PHTF2: variants seen among roughly 807,000 people sequenced by gnomAD.
PHTF2 encodes the protein protein PHTF2.
In PHTF2, 60 loss-of-function variants were observed where a neutral mutation model predicts 101.2. The ratio of observed to expected loss-of-function variants is 0.59; its 90% CI spans 0.48 to 0.73. PHTF2 has a LOEUF of 0.73. Among genes scored for constraint, PHTF2 ranks in the 30% least tolerant of loss-of-function variants. PHTF2 has a pLI of 0.00. For missense variants in PHTF2, 747 were observed against 908.7 expected, an observed-to-expected ratio of 0.82 and a Z score of 2.29; for synonymous variants, 311 against 307.3, an observed-to-expected ratio of 1.01 and a Z score of -0.13.
intron 1 of PHTF2, among the ~76,000 whole-genome samples, chr7:77,828,030 C>T (rs1396464300): frequency 6.6e-6 from 1 of 152,124 alleles, no homozygotes; most frequent in African/African-American, 2.4e-5. Flanking sequence ...CTCTTTAAGC[C>T]GTTTAGTTAA....
intron 1 of PHTF2, among the ~76,000 whole-genome samples, chr7:77,804,604 G>A (rs866584494): frequency 2.8e-4 from 42 of 152,216 alleles, no homozygotes; most frequent in African/African-American, 1.0e-3. Context: ...GGGATTACAG[G>A]CGTGAGCCAC....
chr7:77,921,542 C>T (rs946202984), intron 10 of PHTF2, among the ~76,000 whole-genome samples: 1 of 152,164 alleles, frequency 6.6e-6, no homozygotes, highest in East Asian at 1.9e-4. Flanking sequence ...CTTGAACGTT[C>T]ATGTATTTTC....
At chr7:77,812,993 T>A (rs1793568614) in intron 1 of PHTF2, among the ~76,000 whole-genome samples, 1 of 152,212 alleles carries the variant, frequency 6.6e-6, no homozygotes, top group Non-Finnish European at 1.5e-5. Context: ...CTTTTTCTAA[T>A]GTAGTGGATA....
intron 7 of PHTF2, chr7:77,907,821 C>CA (rs1445450078): frequency 3.3e-5 from 5 of 152,042 alleles, no homozygotes; most frequent in Non-Finnish European, 7.4e-5. Flanking sequence ...ACAAAATGAC[C>CA]AAAAATCTTA....
At chr7:77,822,712 A>T (rs1433710238) in intron 1 of PHTF2, among the ~76,000 whole-genome samples, 2 of 152,052 alleles carry the variant, frequency 1.3e-5, no homozygotes, top group African/African-American at 2.4e-5. Context: ...AGGTACTTCC[A>T]TGCTGCCCTC....
intron 18 of PHTF2, among the ~76,000 whole-genome samples, chr7:77,951,971 A>C (rs921484486): frequency 1.3e-5 from 2 of 152,110 alleles, no homozygotes; most frequent in African/African-American, 4.8e-5. Context: ...ATCTTTGGAA[A>C]TGTATGCCTC....
intron 1 of PHTF2, among the ~76,000 whole-genome samples, chr7:77,821,707 C>T (rs986180481): frequency 2.0e-5 from 3 of 151,780 alleles, no homozygotes; most frequent in Non-Finnish European, 2.9e-5. Flanking sequence ...ATCTGTCTAC[C>T]GGGGGGGCCC....
At chr7:77,946,313 T>C (rs1230865540) in intron 16 of PHTF2, among the ~76,000 whole-genome samples, 1 of 152,234 alleles carries the variant, frequency 6.6e-6, no homozygotes, top group African/African-American at 2.4e-5. Context: ...TTTTAAAATT[T>C]GGAGCAAGCA....
At chr7:77,899,044 C>T (rs1221300974) in intron 5 of PHTF2, among the ~76,000 whole-genome samples, 4 of 152,074 alleles carry the variant, frequency 2.6e-5, no homozygotes, top group African/African-American at 7.2e-5. Flanking sequence ...TCAAGTGATC[C>T]GCCCACCTTG....
chr7:77,863,787 GT>G (rs368245678), intron 3 of PHTF2, among the ~76,000 whole-genome samples: 20,306 of 131,998 alleles, frequency 0.15, 1,606 homozygotes, highest in African/African-American at 0.29. Context: ...GTTTTGTTTT[GT>G]TTTTTTTTTT....
At chr7:77,839,892 TC>T (rs1795740420) in intron 1 of PHTF2, among the ~76,000 whole-genome samples, 1 of 152,200 alleles carries the variant, frequency 6.6e-6, no homozygotes, top group South Asian at 2.1e-4. Flanking sequence ...TGAATTGGTT[TC>T]TTGTATGTGG....
chr7:77,836,311 A>G (rs1795465632), intron 1 of PHTF2, among the ~76,000 whole-genome samples: 1 of 152,080 alleles, frequency 6.6e-6, no homozygotes, highest in Non-Finnish European at 1.5e-5. Context: ...AAGGGGAGGC[A>G]GGAGTATCAG....
At chr7:77,919,831 G>A in intron 9 of PHTF2, among the ~76,000 whole-genome samples, 1 of 151,960 alleles carries the variant, frequency 6.6e-6, no homozygotes, top group East Asian at 1.9e-4. Context: ...AAAGACCTGT[G>A]TCTTCACTGT....
chr7:77,956,109 A>G (rs1039867118), exon 20 of PHTF2: 1 of 152,586 alleles, frequency 6.6e-6, no homozygotes, highest in African/African-American at 2.4e-5. Flanking sequence ...TATTTGTACA[A>G]TCGAGTATTT....
chr7:77,890,024 C>A (rs898771406), intron 3 of PHTF2, among the ~76,000 whole-genome samples: 1 of 144,760 alleles, frequency 6.9e-6, no homozygotes, highest in African/African-American at 2.7e-5. Context: ...TAAGACGCGC[C>A]CCCCCCCACC....
chr7:77,911,444 G>A (rs916292346), intron 9 of PHTF2, among the ~76,000 whole-genome samples: 3 of 152,024 alleles, frequency 2.0e-5, no homozygotes, highest in Non-Finnish European at 4.4e-5. Flanking sequence ...CTTAAGGGTT[G>A]TATTACTAGT....
At chr7:77,868,241 C>G (rs1244287608) in intron 3 of PHTF2, among the ~76,000 whole-genome samples, 1 of 151,434 alleles carries the variant, frequency 6.6e-6, no homozygotes, top group Non-Finnish European at 1.5e-5. Flanking sequence ...CTCCTGAGCT[C>G]AAGCAGTCTT....
chr7:77,951,674 G>C, exon 18 of PHTF2: 1 of 1,482,946 alleles, frequency 6.7e-7, no homozygotes, highest in Non-Finnish European at 9.1e-7. Flanking sequence ...ACTGACACTA[G>C]TGAATAATGT....
chr7:77,908,873 A>C (rs776342579), exon 8 of PHTF2: 1 of 1,612,840 alleles, frequency 6.2e-7, no homozygotes, highest in Non-Finnish European at 8.5e-7. Context: ...GATATGGCTG[A>C]TGCTGCTCCT....
Sources: gnomAD v4.1 joint callset for allele counts (sites outside exome capture counted in the v4.1 genomes callset) on GRCh38, gnomAD v4.1.1 for gene constraint, MANE v1.5 for transcripts, NCBI Gene and HGNC (gene_info 2026-07-23, HGNC 2026-07-21) for gene names.